Variants in XYLT1 observed in about 807,000 individuals in gnomAD.
The protein encoded by XYLT1 is beta-D-xylosyltransferase 1.
Under a neutral mutation model 91.3 loss-of-function variants are expected in XYLT1, and 36 were observed. That is an observed-to-expected ratio of 0.39 (90% CI 0.30 to 0.52). The LOEUF (loss-of-function observed/expected upper bound fraction) is 0.52, where lower values mean the gene tolerates loss of function less well. Among genes scored for constraint, XYLT1 ranks in the 20% least tolerant of loss-of-function variants. The pLI is 0.68. For missense variants in XYLT1, 1,242 were observed against 1,284.5 expected (o/e 0.97, Z 0.51); for synonymous variants, 588 against 532.0 (o/e 1.11, Z -1.45).
intron 1 of XYLT1, among the ~76,000 whole-genome samples, chr16:17,469,050 G>C (rs1436852060): frequency 1.3e-5 from 2 of 152,184 alleles, no homozygotes; most frequent in Non-Finnish European, 2.9e-5. Flanking sequence ...CCGCAAATGA[G>C]GGAAAGACTT....
chr16:17,393,449 C>A (rs1321350833), intron 1 of XYLT1, among the ~76,000 whole-genome samples: 4 of 152,158 alleles, frequency 2.6e-5, no homozygotes, highest in Admixed American at 6.6e-5. Context: ...TCATCCCCCC[C>A]AACCACCCTC....
chr16:17,354,782 C>T, intron 2 of XYLT1: 1 of 152,222 alleles, frequency 6.6e-6, no homozygotes, highest in East Asian at 1.9e-4. Context: ...GCACTACTTC[C>T]TGCCAGAAAG....
intron 1 of XYLT1, among the ~76,000 whole-genome samples, chr16:17,425,085 G>A (rs1346831551): frequency 6.6e-6 from 1 of 152,148 alleles, no homozygotes. Context: ...TGGACTCCCT[G>A]CAGTCTTGGG....
chr16:17,175,878 C>G (rs1034213288), intron 5 of XYLT1, among the ~76,000 whole-genome samples: 10 of 152,108 alleles, frequency 6.6e-5, no homozygotes, highest in African/African-American at 2.2e-4. Flanking sequence ...GCTCACTGTC[C>G]TTTTGAAATA....
rs2035972371 is a variant in XYLT1 at position 17,401,826 on chromosome 16, A to G, written c.364-43776T>C. Among the ~76,000 whole-genome samples the G allele has an allele frequency of 3.3e-5, 5 of 152,146 alleles. No homozygotes were observed. The South Asian group carries it at 1.0e-3, about 31-fold the overall frequency. On this transcript the variant is annotated intron_variant, in intron 1 of 11. Transcript: ENST00000261381. ...TTAAAAAATTATTACAGAAATAATT[A>G]GAAAATAAAATAAAAGCCATAGGCC...
intron 2 of XYLT1, among the ~76,000 whole-genome samples, chr16:17,295,105 A>G (rs1031416974): frequency 1.3e-5 from 2 of 152,164 alleles, no homozygotes; most frequent in African/African-American, 4.8e-5. Flanking sequence ...AAGGTGAGGT[A>G]TAAGCAAAGA....
At chr16:17,415,141 C>T (rs576120249) in intron 1 of XYLT1, among the ~76,000 whole-genome samples, 58 of 152,256 alleles carry the variant, frequency 3.8e-4, no homozygotes, top group African/African-American at 1.4e-3. Flanking sequence ...GCAGGTTTCC[C>T]CCAAAACACA....
chr16:17,192,437 G>C (rs1340549163), intron 5 of XYLT1, among the ~76,000 whole-genome samples: 1 of 152,118 alleles, frequency 6.6e-6, no homozygotes, highest in Admixed American at 6.6e-5. Context: ...CAAGAAACAG[G>C]GCAAAGTGCT....
At chr16:17,340,902 C>G (rs1389912103) in intron 2 of XYLT1, among the ~76,000 whole-genome samples, 1 of 151,988 alleles carries the variant, frequency 6.6e-6, no homozygotes, top group East Asian at 1.9e-4. Flanking sequence ...TCACAAATAC[C>G]CCATGTAAAA....
intron 1 of XYLT1, among the ~76,000 whole-genome samples, chr16:17,453,316 G>A (rs988005316): frequency 2.0e-5 from 3 of 152,184 alleles, no homozygotes; most frequent in Non-Finnish European, 4.4e-5. Context: ...CTTTACTCCT[G>A]GTAAAGTGGG....
intron 1 of XYLT1, among the ~76,000 whole-genome samples, chr16:17,417,567 G>A (rs978571112): frequency 6.6e-6 from 1 of 152,096 alleles, no homozygotes; most frequent in African/African-American, 2.4e-5. Flanking sequence ...TTAGCATCAA[G>A]ACTGCTGCTT....
At chr16:17,358,125 C>A in intron 1 of XYLT1, 75 bp from the exon 2 acceptor site, 43 of 1,275,398 alleles carry the variant, frequency 3.4e-5, no homozygotes, top group African/African-American at 4.8e-5. Context: ...CTTTTTCTTT[C>A]TTTCCTTTTT....
At chr16:17,373,819 C>T (rs553280515) in intron 1 of XYLT1, among the ~76,000 whole-genome samples, 15 of 152,322 alleles carry the variant, frequency 9.8e-5, no homozygotes, top group South Asian at 4.1e-4. Context: ...GAACACTGCT[C>T]GTGAACACTA....
chr16:17,203,668 A>G (rs1008960322), intron 3 of XYLT1, among the ~76,000 whole-genome samples: 2 of 152,164 alleles, frequency 1.3e-5, no homozygotes, highest in African/African-American at 4.8e-5. Context: ...CCACCCATTC[A>G]TCCATACATC....
chr16:17,182,929 A>G (rs2032103164), intron 5 of XYLT1, among the ~76,000 whole-genome samples: 1 of 152,178 alleles, frequency 6.6e-6, no homozygotes, highest in Admixed American at 6.5e-5. Flanking sequence ...CAGTCAGTAA[A>G]GCTTGGATAT....
intron 10 of XYLT1, among the ~76,000 whole-genome samples, chr16:17,123,934 G>A (rs1001268546): frequency 6.6e-6 from 1 of 151,976 alleles, no homozygotes; most frequent in African/African-American, 2.4e-5. Context: ...GTTTTGTTTT[G>A]TCTGGTAAGA....
intron 1 of XYLT1, among the ~76,000 whole-genome samples, chr16:17,462,948 T>C (rs975434357): frequency 2.6e-5 from 4 of 152,140 alleles, no homozygotes; most frequent in African/African-American, 9.7e-5. Context: ...TAATATCAAC[T>C]CATTTTTGAC....
chr16:17,257,868 C>A (rs2033660340), intron 3 of XYLT1, among the ~76,000 whole-genome samples: 1 of 152,220 alleles, frequency 6.6e-6, no homozygotes, highest in Admixed American at 6.5e-5. Context: ...CACAGCGAAG[C>A]CTCAGCAGCC....
chr16:17,128,892 T>C, intron 9 of XYLT1, among the ~76,000 whole-genome samples: 1 of 152,162 alleles, frequency 6.6e-6, no homozygotes, highest in East Asian at 1.9e-4. Flanking sequence ...TTGTGGGTCC[T>C]TCATAATAGC....
Sources: allele counts gnomAD v4.1 joint callset (sites outside exome capture counted in the v4.1 genomes callset), GRCh38; gene constraint gnomAD v4.1.1; transcripts MANE v1.5; gene names NCBI Gene and HGNC (gene_info 2026-07-23, HGNC 2026-07-21).